PLA2R1: variants seen among roughly 807,000 people sequenced by gnomAD.
PLA2R1 encodes secretory phospholipase A2 receptor.
PLA2R1 carries 158 observed loss-of-function variants against 195.9 expected under a neutral mutation model. That is an observed-to-expected ratio of 0.81 (90% CI 0.71 to 0.92). The LOEUF is 0.92. PLA2R1 is among the 40% of genes least tolerant of loss of function. PLA2R1 has a pLI of 0.00. For missense variants in PLA2R1, 1,626 were observed against 1,764.6 expected (o/e 0.92, Z 1.41); for synonymous variants, 586 against 598.2 (o/e 0.98, Z 0.30).
rs958117847 is a variant in PLA2R1, at chr2:160,022,496, T to C, written c.1294+169A>G. On this transcript the variant is annotated intron_variant, in intron 7 of 29. Transcript: ENST00000283243. ...GTTACAAAGTTTCTGAACATGTATTTTGTAAAAATCCAATAAATTTGAACT... is the reference window on the plus strand; with the variant it reads ...GTTACAAAGTTTCTGAACATGTATTCTGTAAAAATCCAATAAATTTGAACT... Among the ~76,000 whole-genome samples the C allele has an allele frequency of 4.6e-5, 7 of 152,224 alleles. 1 individual carries two copies. The highest frequency in any genetic ancestry group is 7.3e-5 in the Non-Finnish European group (5 of 68,038).
intron 3 of PLA2R1, among the ~76,000 whole-genome samples, chr2:160,039,248 G>A (rs1390712068): frequency 6.6e-6 from 1 of 152,130 alleles, no homozygotes; most frequent in Non-Finnish European, 1.5e-5. Flanking sequence ...TCATTTCACA[G>A]GTTGGTATCG....
chr2:159,953,327 G>T (rs1199462642), intron 23 of PLA2R1, among the ~76,000 whole-genome samples: 1 of 152,092 alleles, frequency 6.6e-6, no homozygotes, highest in Non-Finnish European at 1.5e-5. Context: ...AATTTTTTTG[G>T]CAGATAAAAG....
At chr2:160,007,250 T>G (rs1692049378) in intron 10 of PLA2R1, among the ~76,000 whole-genome samples, 1 of 152,228 alleles carries the variant, frequency 6.6e-6, no homozygotes, top group African/African-American at 2.4e-5. Flanking sequence ...ACGATCTGCT[T>G]TTCTCTATCT....
chr2:160,014,942 T>C (rs994539845), intron 9 of PLA2R1, among the ~76,000 whole-genome samples: 2 of 152,162 alleles, frequency 1.3e-5, no homozygotes, highest in African/African-American at 2.4e-5. Context: ...ACCTTTCCGA[T>C]AATGTATTCT....
At chr2:160,000,257 G>A (rs1691504081) in intron 11 of PLA2R1, among the ~76,000 whole-genome samples, 1 of 152,166 alleles carries the variant, frequency 6.6e-6, no homozygotes, top group Non-Finnish European at 1.5e-5. Flanking sequence ...TCAGCTGTTT[G>A]TAAGGAAACT....
chr2:160,033,206 G>A (rs1693967972), intron 3 of PLA2R1, 74 bp from the exon 4 acceptor site: 1 of 1,156,182 alleles, frequency 8.6e-7, no homozygotes, highest in Admixed American at 2.4e-5. Flanking sequence ...AGGTAAGTCT[G>A]AATGGAATTA....
At chr2:159,979,683 A>G in intron 14 of PLA2R1, 147 bp downstream of exon 14, 1 of 547,630 alleles carries the variant, frequency 1.8e-6, no homozygotes, top group Non-Finnish European at 3.3e-6. Context: ...GGACCTTGCC[A>G]AATAATTCTC....
At chr2:159,953,526 G>A (rs1361371187) in intron 23 of PLA2R1, among the ~76,000 whole-genome samples, 4 of 152,248 alleles carry the variant, frequency 2.6e-5, no homozygotes, top group South Asian at 2.1e-4. Flanking sequence ...CATACATAAA[G>A]TGTGTGAGAT....
chr2:159,988,863 C>G (rs1690548904), intron 11 of PLA2R1, among the ~76,000 whole-genome samples: 1 of 152,094 alleles, frequency 6.6e-6, no homozygotes, highest in Admixed American at 6.6e-5. Context: ...AGAAAGAAGA[C>G]AAAGGAAGAC....
chr2:159,988,646 G>A (rs1205139925), intron 11 of PLA2R1, among the ~76,000 whole-genome samples: 2 of 152,162 alleles, frequency 1.3e-5, no homozygotes, highest in Admixed American at 1.3e-4. Context: ...GATGACTGAC[G>A]ACTTGCGATG....
At chr2:159,943,909 C>T (rs1433944431) in intron 28 of PLA2R1, among the ~76,000 whole-genome samples, 28 of 151,670 alleles carry the variant, frequency 1.8e-4, no homozygotes, top group Non-Finnish European at 3.5e-4. Flanking sequence ...CAGCTCAAAT[C>T]AGTCAACAGG....
chr2:159,924,239 C>T, the PLA2R1 span, among the ~76,000 whole-genome samples: 2 of 152,202 alleles, frequency 1.3e-5, no homozygotes, highest in Non-Finnish European at 2.9e-5. Context: ...CATGTGATTG[C>T]ATGTGAGGCC....
chr2:160,001,478 A>T (rs1365026721), intron 11 of PLA2R1, among the ~76,000 whole-genome samples: 12 of 152,106 alleles, frequency 7.9e-5, no homozygotes, highest in African/African-American at 2.9e-4. Flanking sequence ...TAATCACAAA[A>T]AATATAAGTA....
the PLA2R1 span, among the ~76,000 whole-genome samples, chr2:159,926,315 G>A: frequency 6.6e-6 from 1 of 152,158 alleles, no homozygotes; most frequent in Admixed American, 6.5e-5. Flanking sequence ...ATAAATGACT[G>A]CTTTTTATAG....
At chr2:159,971,224 T>TTA in intron 17 of PLA2R1, among the ~76,000 whole-genome samples, 1 of 152,240 alleles carries the variant, frequency 6.6e-6, no homozygotes, top group Admixed American at 6.5e-5. Context: ...AAATTCTATG[T>TTA]TAACAGAGTG....
intron 18 of PLA2R1, 80 bp downstream of exon 18, chr2:159,970,068 G>T: frequency 2.2e-6 from 2 of 891,576 alleles, no homozygotes; most frequent in South Asian, 2.9e-5. Flanking sequence ...TCAACAAATT[G>T]ATCACTAAAA....
the PLA2R1 span, among the ~76,000 whole-genome samples, chr2:159,926,102 G>GT: frequency 1.3e-5 from 2 of 152,204 alleles, no homozygotes; most frequent in Non-Finnish European, 2.9e-5. Flanking sequence ...GCTGACACCA[G>GT]TATCAACAAA....
rs755614255 is a variant in PLA2R1, at chr2:159,941,867, G to A, written c.4303C>T (p.Arg1435Trp). 4.6e-5 allele frequency: 75 copies of A among 1,612,986 alleles called. No homozygotes were observed. The highest frequency in any genetic ancestry group is 1.6e-4 in the Middle Eastern group (1 of 6,082). ...GGFFRRLAGF[R>W]NPYYPATNFS... ...TTGGTTGCAGGATAGTAAGGATTCC[G>A]AAACCCTGCAAGTCTCCTGAAGAAG... Residue 1435 changes from arginine (R) to tryptophan (W), a missense_variant, in exon 30 of 30, where the codon CGG (arginine) becomes TGG (tryptophan). Transcript: ENST00000283243.
At chr2:160,034,995 A>G (rs2105540327) in intron 3 of PLA2R1, among the ~76,000 whole-genome samples, 1 of 152,338 alleles carries the variant, frequency 6.6e-6, no homozygotes, top group Admixed American at 6.5e-5. Context: ...ATTATTTTAA[A>G]TATTGTATAA....
Sources: allele counts gnomAD v4.1 joint callset (sites outside exome capture counted in the v4.1 genomes callset), GRCh38; gene constraint gnomAD v4.1.1; transcripts MANE v1.5; gene names NCBI Gene and HGNC (gene_info 2026-07-23, HGNC 2026-07-21).